ORMDL2: variants seen among roughly 807,000 people sequenced by gnomAD.
The protein encoded by ORMDL2 is ORM1-like protein 2.
Under a neutral mutation model 13.5 loss-of-function variants are expected in ORMDL2, and 11 were observed. The observed-to-expected ratio is 0.82, with a 90% CI of 0.51 to 1.35. The LOEUF (loss-of-function observed/expected upper bound fraction) is 1.35, where lower values mean the gene tolerates loss of function less well. Ranked by LOEUF, ORMDL2 falls within the 40% of genes most tolerant of loss-of-function variation. The probability of loss-of-function intolerance (pLI) is 0.00; values close to 1 mark genes in which losing one functional copy is unlikely to be tolerated. For missense variants in ORMDL2, 160 were observed against 191.1 expected, an observed-to-expected ratio of 0.84 and a Z score of 0.96; for synonymous variants, 73 against 76.5, an observed-to-expected ratio of 0.95 and a Z score of 0.24.
chr12:55,818,918 T>C (rs1880585376), intron 1 of ORMDL2, 81 bp from the exon 2 acceptor site: 1 of 1,256,918 alleles, frequency 8.0e-7, no homozygotes, highest in Non-Finnish European at 1.1e-6. Flanking sequence ...TGGGGCTATC[T>C]GAGAGACAAC....
chr12:55,819,294 T>C, intron 2 of ORMDL2, 48 bp from the exon 3 acceptor site: 1 of 1,594,434 alleles, frequency 6.3e-7, no homozygotes, highest in Non-Finnish European at 8.6e-7. Context: ...ATTCTTTGAC[T>C]GAAAAACTAC....
intron 3 of ORMDL2, among the ~76,000 whole-genome samples, chr12:55,820,005 A>T (rs1880623317): frequency 6.6e-6 from 1 of 152,236 alleles, no homozygotes; most frequent in African/African-American, 2.4e-5. Flanking sequence ...AACTATATAC[A>T]GTAAAACTGG....
chr12:55,820,040 C>T lies in ORMDL2; in HGVS notation c.327-220C>T, dbSNP rs145468768. ...GTCATTTAAAATAGAAGAGAAAGAG[C>T]AGGGCACTGTGGTGCATGCCTGGAG... is the stretch of plus-strand genomic sequence containing the variant. On this transcript the variant is annotated intron_variant, in intron 3 of 3. Coordinates refer to ENST00000243045, the MANE Select transcript of ORMDL2 (RefSeq NM_014182.5). Among the ~76,000 whole-genome samples, 3 of 152,276 alleles carry T rather than the reference C, an allele frequency of 2.0e-5. No homozygotes were observed. The East Asian group carries it at 5.8e-4, about 29-fold the overall frequency.
At position 55,820,740 on chromosome 12, in the gene ORMDL2, CAAT is replaced by C. The variant is rs2136214842; in HGVS notation, c.*349_*351del. 1 of 251,276 alleles carries C rather than the reference CAAT, an allele frequency of 4.0e-6. No homozygotes were observed. Among genetic ancestry groups the C allele is most frequent in the South Asian group, 5.8e-5 (1 of 17,186 alleles). The allele number at this position is 251,276 out of a possible 1,614,324, so 15.6% of individuals were successfully genotyped here. A position where few individuals can be genotyped will look rare whatever the true frequency, so the allele number is the denominator to read the frequency against. ...TCTGTTTTGCTGTGTATTTTTCTTA[CAAT>C]AATTTTTTTCAGCTATAGCTGCAGT... On this transcript the variant is annotated 3_prime_UTR_variant, in exon 4 of 4. Coordinates refer to ENST00000243045, the MANE Select transcript of ORMDL2 (RefSeq NM_014182.5).
In ORMDL2 at chr12:55,821,707, C is replaced by T. The variant is rs984971351; in HGVS notation, c.*1312C>T. The T allele has an allele frequency of 8.3e-6, 2 of 240,130 alleles. No homozygotes were observed. The highest frequency in any genetic ancestry group is 7.9e-6 in the Non-Finnish European group (1 of 125,904). 14.9% of individuals were successfully genotyped at this position (240,130 alleles called of 1,614,324 possible). On this transcript the variant is annotated 3_prime_UTR_variant, in exon 4 of 4. Coordinates refer to ENST00000243045, the MANE Select transcript of ORMDL2 (RefSeq NM_014182.5). ...TACTAAAAATACAAAAAAGAATTAG[C>T]TGGGCCAGGTGTGGTGGTGTGTGCC... is the stretch of plus-strand genomic sequence containing the variant.
At position 55,819,332 on chromosome 12, in the gene ORMDL2, C is replaced by G. The variant is rs1247356222; in HGVS notation, c.175-10C>G. On this transcript the variant is annotated splice_polypyrimidine_tract_variant and intron_variant, in intron 2 of 3. Coordinates refer to ENST00000243045, the MANE Select transcript of ORMDL2 (RefSeq NM_014182.5). Reference sequence around the variant, plus strand: ...TCTGCCCCTCACACTGCCACCTTCCCTGTTCCCAGGCTACGTATGTCTTCC... The same window carrying G: ...TCTGCCCCTCACACTGCCACCTTCCGTGTTCCCAGGCTACGTATGTCTTCC... 8 of 1,611,506 alleles carry G rather than the reference C, an allele frequency of 5.0e-6. No individual in the cohort carries two copies. The highest frequency in any genetic ancestry group is 6.8e-6 in the Non-Finnish European group (8 of 1,178,128).
intron 1 of ORMDL2, 69 bp from the exon 2 acceptor site, chr12:55,818,930 G>A: frequency 1.5e-6 from 2 of 1,355,172 alleles, no homozygotes; most frequent in Non-Finnish European, 2.1e-6. Flanking sequence ...AGAGACAACT[G>A]GGAGATAGCT....
At position 55,820,378 on chromosome 12, in the gene ORMDL2, G is replaced by A. The variant is rs1411696745; in HGVS notation, c.445G>A (p.Gly149Ser). The A allele has an allele frequency of 9.3e-6, 15 of 1,613,986 alleles. No individual in the cohort carries two copies. The highest frequency in any genetic ancestry group is 1.2e-5 in the Non-Finnish European group (14 of 1,180,018). Residue 149 changes from glycine to serine, a missense_variant, in exon 4 of 4, where the codon GGC becomes AGC. Gly to Ser is a moderately conservative substitution (Grantham distance 56). Transcript: ENST00000243045. ...CCAGTTCCATGGGGTTCGTGTCTTT[G>A]GCATCAACAAATACTGAGGGATGGG... is the stretch of plus-strand genomic sequence containing the variant. ...LPQFHGVRVF[G>S]INKY is the part of the protein sequence containing the mutation.
intron 1 of ORMDL2, 53 bp from the exon 2 acceptor site, chr12:55,818,946 G>C (rs977832550): frequency 3.3e-6 from 5 of 1,509,722 alleles, no homozygotes; most frequent in East Asian, 2.3e-5. Context: ...TAGCTCAAGA[G>C]GGGTTGAGAA....
intron 1 of ORMDL2, 51 bp downstream of exon 1, chr12:55,818,163 G>A (rs1880564655): frequency 4.4e-6 from 2 of 457,128 alleles, no homozygotes; most frequent in African/African-American, 4.0e-5. Flanking sequence ...GGTGGGAGGC[G>A]AAAGGGGCGC....
chr12:55,820,566 G>T lies in ORMDL2; in HGVS notation c.*171G>T. ...AAGAGATTGGCAAATGGGGCTCCTGGGCCCAGTCCTGCTAGTGGCAAGTTT... is the reference window on the plus strand; with the variant it reads ...AAGAGATTGGCAAATGGGGCTCCTGTGCCCAGTCCTGCTAGTGGCAAGTTT... On this transcript the variant is annotated 3_prime_UTR_variant, in exon 4 of 4. Coordinates refer to ENST00000243045, the MANE Select transcript of ORMDL2 (RefSeq NM_014182.5). The T allele has an allele frequency of 1.3e-6, 1 of 752,962 alleles. No individual in the cohort carries two copies. Among genetic ancestry groups the T allele is most frequent in the Admixed American group, 2.6e-5 (1 of 37,802 alleles). The allele number at this position is 752,962 out of a possible 1,614,324, so 46.6% of individuals were successfully genotyped here. A position where few individuals can be genotyped will look rare whatever the true frequency, so the allele number is the denominator to read the frequency against.
In ORMDL2 at chr12:55,821,861, A is replaced by T; in HGVS notation, c.*1466A>T. On this transcript the variant is annotated 3_prime_UTR_variant, in exon 4 of 4. Transcript: ENST00000243045. ...ACAGAGCAAGACTCCATCTCAAAAA[A>T]TAAAAAGAAAAAGATTCAGTTCCTA... 7 of 1,213,838 alleles carry T rather than the reference A, an allele frequency of 5.8e-6. No individual in the cohort carries two copies. The highest frequency in any genetic ancestry group is 1.5e-5 in the African/African-American group (1 of 65,034). 75.2% of individuals were successfully genotyped at this position (1,213,838 alleles called of 1,614,324 possible).
rs1880652277 is a variant in ORMDL2 at position 55,821,070 on chromosome 12, T to C, written c.*675T>C. On this transcript the variant is annotated 3_prime_UTR_variant, in exon 4 of 4. Coordinates refer to ENST00000243045, the MANE Select transcript of ORMDL2 (RefSeq NM_014182.5). ...AATATGAACAAACTTAAAAAAAAAA[T>C]ACAAACCCTTGGATCACATGGGGGC... 6.6e-6 allele frequency: 1 copy of C among 152,428 alleles called. No individual in the cohort carries two copies. The highest frequency in any genetic ancestry group is 6.6e-5 in the Admixed American group (1 of 15,258). The allele number at this position is 152,428 out of a possible 1,614,324, so 9.4% of individuals were successfully genotyped here.
At chr12:55,820,236 C>T in intron 3 of ORMDL2, 24 bp from the exon 4 acceptor site, 1 of 1,598,486 alleles carries the variant, frequency 6.3e-7, no homozygotes, top group South Asian at 1.1e-5. Flanking sequence ...CAACCTCACT[C>T]ACCCTATTTT....
At position 55,820,353 on chromosome 12, in the gene ORMDL2, C is replaced by G. The variant is rs1880633661; in HGVS notation, c.420C>G (p.Pro140=). Residue 140 remains proline (P), a synonymous_variant, in exon 4 of 4, where the codon CCC becomes CCG. Transcript: ENST00000243045. ...TAAGTGTACTGCTGCCGAAGTTGCC[C>G]CAGTTCCATGGGGTTCGTGTCTTTG... is the stretch of plus-strand genomic sequence containing the variant. The part of the protein sequence containing the change: ...SLLSVLLPKL[P]QFHGVRVFGI... 6.2e-6 allele frequency: 10 copies of G among 1,614,030 alleles called. No homozygotes were observed. The South Asian group carries it at 1.1e-4, about 18-fold the overall frequency.
At chr12:55,818,574 C>G (rs1054031166) in intron 1 of ORMDL2, 1 of 186,554 alleles carries the variant, frequency 5.4e-6, no homozygotes, top group Non-Finnish European at 1.1e-5. Context: ...AAAGTGGGGA[C>G]CAGAGTGAGC....
chr12:55,820,431 A>AACAG lies in ORMDL2; in HGVS notation c.*37_*38insCAGA. 8 of 1,610,870 alleles carry AACAG rather than the reference A, an allele frequency of 5.0e-6. No individual in the cohort carries two copies. The highest frequency in any genetic ancestry group is 6.8e-6 in the Non-Finnish European group (8 of 1,177,030). On this transcript the variant is annotated 3_prime_UTR_variant, in exon 4 of 4. Coordinates refer to ENST00000243045, the MANE Select transcript of ORMDL2 (RefSeq NM_014182.5). ...TTGGGACAGCTCCATGGGCATGGGG[A>AACAG]AGGCACTGAAACAGAGGACTATAAA...
chr12:55,819,529 G>C, intron 3 of ORMDL2, 36 bp downstream of exon 3: 1 of 1,595,460 alleles, frequency 6.3e-7, no homozygotes, highest in Non-Finnish European at 8.6e-7. Context: ...TGCTGGGTTA[G>C]AAAGAGCTCC....
chr12:55,818,135 G>A (rs1251945651), intron 1 of ORMDL2, 23 bp downstream of exon 1: 1 of 467,582 alleles, frequency 2.1e-6, no homozygotes, highest in African/African-American at 2.0e-5. Flanking sequence ...AAGACTGTAA[G>A]GGTTGCTGAG....
Sources: allele counts gnomAD v4.1 joint callset (sites outside exome capture counted in the v4.1 genomes callset), GRCh38; gene constraint gnomAD v4.1.1; transcripts MANE v1.5; gene names NCBI Gene and HGNC (gene_info 2026-07-23, HGNC 2026-07-21).